GRM5: variants seen among roughly 807,000 people sequenced by gnomAD.
GRM5 encodes the protein glutamate metabotropic receptor 5.
In GRM5, 19 loss-of-function variants were observed where a neutral mutation model predicts 83.1. The observed-to-expected ratio is 0.23, with a 90% CI of 0.16 to 0.34. GRM5 has a LOEUF of 0.34. Among genes scored for constraint, GRM5 ranks in the 10% least tolerant of loss-of-function variants. The probability of loss-of-function intolerance (pLI) is 1.00; values close to 1 mark genes in which losing one functional copy is unlikely to be tolerated. For missense variants in GRM5, 1,160 were observed against 1,588.3 expected (o/e 0.73, Z 4.58); for synonymous variants, 675 against 633.6 (o/e 1.07, Z -0.98).
At chr11:89,035,704 T>C (rs1247311922) in intron 2 of GRM5, among the ~76,000 whole-genome samples, 1 of 151,996 alleles carries the variant, frequency 6.6e-6, no homozygotes, top group Non-Finnish European at 1.5e-5. Context: ...CTTTATAGAA[T>C]AAAGGAACTT....
intron 3 of GRM5, among the ~76,000 whole-genome samples, chr11:88,778,011 G>A (rs1300254360): frequency 6.8e-6 from 1 of 146,624 alleles, no homozygotes; most frequent in Non-Finnish European, 1.6e-5. Context: ...GGACGTTTAA[G>A]TCTGCAGAAA....
intron 3 of GRM5, among the ~76,000 whole-genome samples, chr11:88,840,086 G>A (rs1944169399): frequency 6.6e-6 from 1 of 152,174 alleles, no homozygotes; most frequent in Non-Finnish European, 1.5e-5. Context: ...TGAGGTGGAA[G>A]GGGAAGCAGG....
chr11:88,893,968 A>G (rs924392632), intron 2 of GRM5, among the ~76,000 whole-genome samples: 1 of 152,032 alleles, frequency 6.6e-6, no homozygotes, highest in African/African-American at 2.4e-5. Flanking sequence ...GCCCCAAATC[A>G]TTTACTAACA....
intron 2 of GRM5, among the ~76,000 whole-genome samples, chr11:88,971,406 T>C (rs1380479114): frequency 6.6e-6 from 1 of 152,088 alleles, no homozygotes; most frequent in Non-Finnish European, 1.5e-5. Flanking sequence ...TAGAAGCTAA[T>C]AGTTTTTTGA....
intron 8 of GRM5, among the ~76,000 whole-genome samples, chr11:88,525,966 C>T (rs1447888080): frequency 6.6e-6 from 1 of 152,148 alleles, no homozygotes; most frequent in Non-Finnish European, 1.5e-5. Flanking sequence ...CACACTTCAG[C>T]CATTATAATG....
At chr11:88,619,752 C>A (rs1938583157) in intron 4 of GRM5, among the ~76,000 whole-genome samples, 1 of 152,052 alleles carries the variant, frequency 6.6e-6, no homozygotes, top group Non-Finnish European at 1.5e-5. Context: ...ATTCTAGGTA[C>A]TAAAATACTT....
At chr11:89,007,319 T>G (rs920284917) in intron 2 of GRM5, among the ~76,000 whole-genome samples, 3 of 152,240 alleles carry the variant, frequency 2.0e-5, no homozygotes, top group Admixed American at 2.0e-4. Flanking sequence ...ATAACACCAC[T>G]GTTCTTTTCA....
intron 2 of GRM5, among the ~76,000 whole-genome samples, chr11:88,980,260 T>C (rs1183682720): frequency 2.0e-5 from 3 of 152,198 alleles, no homozygotes; most frequent in Non-Finnish European, 4.4e-5. Flanking sequence ...AAATAAGCAT[T>C]CAAATTTTGG....
chr11:88,982,574 GA>G (rs1473328563), intron 2 of GRM5, among the ~76,000 whole-genome samples: 1 of 151,978 alleles, frequency 6.6e-6, no homozygotes, highest in Non-Finnish European at 1.5e-5. Context: ...AAAATACAGG[GA>G]AATAGACACA....
chr11:88,836,293 C>T lies in GRM5; in HGVS notation c.911+13613G>A, dbSNP rs150076547. On this transcript the variant is annotated intron_variant, in intron 3 of 9. Transcript: ENST00000305447. ...GCCATAGACATTATGTCAATGAATG[C>T]GACTATGTTCCAGTGAAACTATCGT... is the stretch of plus-strand genomic sequence containing the variant. Among the ~76,000 whole-genome samples the T allele has an allele frequency of 7.1e-3, 1,076 of 152,256 alleles. 3 individuals are homozygous for T. Among genetic ancestry groups the T allele is most frequent in the South Asian group, 0.022 (104 of 4,818 alleles).
Position 88,567,718 on chromosome 11 carries a change from T to A in GRM5, c.1965A>T (p.Pro655=), listed in dbSNP as rs1359867631. ...YLQRIGIGLS[P]AMSYSALVTK... is the part of the protein sequence containing the mutation. ...TTACAAGGGCTGAGTAGCTCATGGC[T>A]GGGGAGAGACCAATGCCAATTCTCT... Residue 655 remains proline, a synonymous_variant, in exon 8 of 10, where the codon CCA becomes CCT. Coordinates refer to ENST00000305447, the MANE Select transcript of GRM5 (RefSeq NM_001143831.3). The surrounding 1 kb of genome is among the most constrained non-coding windows in gnomAD (Gnocchi z 7.3). 6.2e-7 allele frequency: 1 copy of A among 1,614,096 alleles called. No individual in the cohort carries two copies. The highest frequency in any genetic ancestry group is 8.5e-7 in the Non-Finnish European group (1 of 1,179,980).
rs558299767 is a variant in GRM5, at chr11:88,746,755, A to G, written c.912-93352T>C. On this transcript the variant is annotated intron_variant, in intron 3 of 9. Coordinates refer to ENST00000305447, the MANE Select transcript of GRM5 (RefSeq NM_001143831.3). The stretch of plus-strand genomic sequence containing the variant: ...TAGAATAGCTATTTTCTATATATTC[A>G]CACATCAAAGATGGTTGTAATCAGA... Among the ~76,000 whole-genome samples the G allele has an allele frequency of 2.6e-5, 4 of 152,286 alleles. 1 individual carries two copies. In the South Asian group the frequency reaches 8.3e-4, roughly 32 times the overall value.
rs1941150908 is a variant in GRM5, at chr11:88,505,166, G to C, written c.*3426C>G. ...TCTGACTTGTCTTTATGCTTTCACT[G>C]ATCTGTATTTTTTCACAGTATAAAA... On this transcript the variant is annotated 3_prime_UTR_variant, in exon 10 of 10. Transcript: ENST00000305447. 1 of 152,100 alleles carries C rather than the reference G, an allele frequency of 6.6e-6. No homozygotes were observed. The allele number at this position is 152,100 out of a possible 1,614,324, so 9.4% of individuals were successfully genotyped here.
intron 3 of GRM5, among the ~76,000 whole-genome samples, chr11:88,787,390 G>A (rs1943094163): frequency 6.6e-6 from 1 of 152,080 alleles, no homozygotes; most frequent in Non-Finnish European, 1.5e-5. Flanking sequence ...ACAGTGGAAT[G>A]AGCAAGGGTT....
At chr11:88,587,223 T>C (rs948115943) in intron 7 of GRM5, among the ~76,000 whole-genome samples, 2 of 152,160 alleles carry the variant, frequency 1.3e-5, no homozygotes, top group African/African-American at 2.4e-5. Flanking sequence ...GCAGTCTAAG[T>C]ATATCAAAGA....
intron 3 of GRM5, among the ~76,000 whole-genome samples, chr11:88,810,562 T>C (rs531765502): frequency 5.5e-4 from 83 of 152,128 alleles, no homozygotes; most frequent in Non-Finnish European, 9.6e-4. Flanking sequence ...AGGGAGCTGT[T>C]AGAGTAAGCA....
intron 6 of GRM5, 69 bp from the exon 7 acceptor site, chr11:88,590,796 T>TG: frequency 8.0e-7 from 1 of 1,248,738 alleles, no homozygotes; most frequent in Non-Finnish European, 1.2e-6. Flanking sequence ...TATATTCCAA[T>TG]GTGCTGTTTT....
intron 2 of GRM5, among the ~76,000 whole-genome samples, chr11:88,990,530 G>C (rs1939927148): frequency 6.6e-6 from 1 of 151,352 alleles, no homozygotes; most frequent in Admixed American, 6.6e-5. Context: ...GCATCATTCT[G>C]ATACCAAAGC....
intron 3 of GRM5, among the ~76,000 whole-genome samples, chr11:88,728,093 G>C (rs1424936567): frequency 6.6e-6 from 1 of 151,906 alleles, no homozygotes; most frequent in Non-Finnish European, 1.5e-5. Context: ...CCAGGAGCTG[G>C]TTTTTTGAAA....
Sources: allele counts gnomAD v4.1 joint callset (sites outside exome capture counted in the v4.1 genomes callset), GRCh38; gene constraint gnomAD v4.1.1; non-coding constraint Gnocchi (gnomAD v3.1); transcripts MANE v1.5; gene names NCBI Gene and HGNC (gene_info 2026-07-23, HGNC 2026-07-21).